SYN3: variants seen among roughly 807,000 people sequenced by gnomAD.
SYN3 encodes synapsin III.
In SYN3, 35 loss-of-function variants were observed where a neutral mutation model predicts 65.8. The observed-to-expected ratio is 0.53, with a 90% CI of 0.41 to 0.70. SYN3 has a LOEUF of 0.70. SYN3 is among the 30% of genes least tolerant of loss of function. The pLI, the probability that SYN3 is intolerant of heterozygous loss-of-function variation, is 0.00. For missense variants in SYN3, 680 were observed against 749.0 expected (o/e 0.91, Z 1.08); for synonymous variants, 270 against 292.9 (o/e 0.92, Z 0.80).
chr22:33,028,391 C>G (rs544276564), intron 1 of SYN3, among the ~76,000 whole-genome samples: 5 of 152,204 alleles, frequency 3.3e-5, no homozygotes, highest in Admixed American at 1.3e-4. Flanking sequence ...CAGAGAAGGC[C>G]GTGCTGCTGG....
At chr22:32,793,989 G>A (rs1023836929) in intron 6 of SYN3, among the ~76,000 whole-genome samples, 4 of 152,220 alleles carry the variant, frequency 2.6e-5, no homozygotes, top group African/African-American at 7.2e-5. Flanking sequence ...GAAAGTGTTG[G>A]GGAAGAGAAG....
intron 3 of SYN3, among the ~76,000 whole-genome samples, chr22:32,963,987 G>C (rs1426462559): frequency 6.6e-6 from 1 of 152,076 alleles, no homozygotes; most frequent in Non-Finnish European, 1.5e-5. Flanking sequence ...CACTAGAGGG[G>C]GTGAGCCTTC....
At chr22:32,850,409 G>A (rs946505755) in intron 6 of SYN3, among the ~76,000 whole-genome samples, 1 of 152,102 alleles carries the variant, frequency 6.6e-6, no homozygotes, top group Admixed American at 6.5e-5. Context: ...TACTTGTAAG[G>A]AGGAGCGGGT....
At chr22:32,983,021 T>C (rs1480798813) in intron 2 of SYN3, among the ~76,000 whole-genome samples, 1 of 152,208 alleles carries the variant, frequency 6.6e-6, no homozygotes, top group Non-Finnish European at 1.5e-5. Context: ...GGGGTCTTTA[T>C]AGGTTTGGAT....
At chr22:32,529,039 C>G in intron 10 of SYN3, 31 bp from the exon 11 acceptor site, 1 of 1,613,034 alleles carries the variant, frequency 6.2e-7, no homozygotes, top group Non-Finnish European at 8.5e-7. Context: ...CTGAGGGACC[C>G]CCATGCCAGG....
rs577597809 is a variant in SYN3 at position 32,643,101 on chromosome 22, T to C, written c.712-46365A>G. On this transcript the variant is annotated intron_variant, in intron 6 of 13. Coordinates refer to ENST00000358763, the MANE Select transcript of SYN3 (RefSeq NM_003490.4). ...TGTTTTTTGTTTTTGTTTTTTGAGA[T>C]GGAATCTCACTCTGTCACTCAGGCC... Among the ~76,000 whole-genome samples the C allele has an allele frequency of 2.0e-5, 3 of 152,276 alleles. No homozygotes were observed. The South Asian group carries it at 6.2e-4, about 32-fold the overall frequency.
intron 6 of SYN3, among the ~76,000 whole-genome samples, chr22:32,775,369 C>T (rs1003595044): frequency 6.6e-6 from 1 of 152,116 alleles, no homozygotes. Flanking sequence ...TTTGGGGGGA[C>T]ATAATTCAGT....
chr22:33,017,795 A>G (rs2053495643), intron 1 of SYN3, among the ~76,000 whole-genome samples: 2 of 143,846 alleles, frequency 1.4e-5, no homozygotes, highest in African/African-American at 5.2e-5. Context: ...AGGATTTTCT[A>G]TATTTAAGAT....
intron 7 of SYN3, among the ~76,000 whole-genome samples, chr22:32,548,753 C>A (rs760666080): frequency 1.3e-5 from 2 of 152,090 alleles, no homozygotes; most frequent in Non-Finnish European, 2.9e-5. Flanking sequence ...CAACATGAGA[C>A]GTAATTAAAA....
At chr22:32,892,446 T>G (rs1023778685) in intron 4 of SYN3, among the ~76,000 whole-genome samples, 4 of 152,176 alleles carry the variant, frequency 2.6e-5, no homozygotes, top group Non-Finnish European at 4.4e-5. Flanking sequence ...TTTTGTAGGA[T>G]AGTGTGGGAA....
chr22:32,588,166 A>C (rs1258754602), intron 7 of SYN3, among the ~76,000 whole-genome samples: 1 of 152,200 alleles, frequency 6.6e-6, no homozygotes, highest in Non-Finnish European at 1.5e-5. Context: ...TCTCTAAAGA[A>C]TGGAATGGGG....
At chr22:32,993,378 T>C (rs1298717409) in intron 2 of SYN3, among the ~76,000 whole-genome samples, 1 of 152,226 alleles carries the variant, frequency 6.6e-6, no homozygotes, top group Non-Finnish European at 1.5e-5. Flanking sequence ...TGTTTTGAGA[T>C]GGAGTCTTGC....
At chr22:32,993,451 G>T (rs1284184252) in intron 2 of SYN3, among the ~76,000 whole-genome samples, 1 of 152,196 alleles carries the variant, frequency 6.6e-6, no homozygotes, top group Non-Finnish European at 1.5e-5. Flanking sequence ...CACCTCCTGG[G>T]TTCAAGTGAT....
intron 4 of SYN3, among the ~76,000 whole-genome samples, chr22:32,914,310 T>G (rs1407287345): frequency 1.3e-5 from 2 of 152,216 alleles, no homozygotes; most frequent in Non-Finnish European, 2.9e-5. Flanking sequence ...GGATTTAGAA[T>G]AAGCCAGCCT....
chr22:32,617,701 G>A (rs1302536172), intron 6 of SYN3, among the ~76,000 whole-genome samples: 1 of 151,988 alleles, frequency 6.6e-6, no homozygotes. Context: ...TTTTTAGTAG[G>A]GGAATGACAC....
intron 6 of SYN3, among the ~76,000 whole-genome samples, chr22:32,690,236 G>C (rs1261733239): frequency 6.6e-6 from 1 of 152,194 alleles, no homozygotes; most frequent in Non-Finnish European, 1.5e-5. Flanking sequence ...GATACAGCTA[G>C]AAGGTGCCAT....
intron 6 of SYN3, among the ~76,000 whole-genome samples, chr22:32,822,853 T>C (rs2047289416): frequency 6.6e-6 from 1 of 152,180 alleles, no homozygotes; most frequent in South Asian, 2.1e-4. Flanking sequence ...AGTTCTCTAT[T>C]GATGCCAGAA....
intron 2 of SYN3, among the ~76,000 whole-genome samples, chr22:32,998,813 A>ATCC (rs905739071): frequency 9.8e-5 from 14 of 143,398 alleles, no homozygotes; most frequent in Non-Finnish European, 1.8e-4. Context: ...AAGTCCCTCC[A>ATCC]TCCTCCTTTT....
At chr22:32,525,018 A>G (rs1202103414) in intron 12 of SYN3, among the ~76,000 whole-genome samples, 1 of 152,216 alleles carries the variant, frequency 6.6e-6, no homozygotes, top group African/African-American at 2.4e-5. Flanking sequence ...CTGTCTCAAA[A>G]AAAAAATTTT....
Sources: allele counts gnomAD v4.1 joint callset (sites outside exome capture counted in the v4.1 genomes callset), GRCh38; gene constraint gnomAD v4.1.1; transcripts MANE v1.5; gene names NCBI Gene and HGNC (gene_info 2026-07-23, HGNC 2026-07-21).